Variants in MAP4K3 observed in about 807,000 individuals in gnomAD.
MAP4K3 encodes MAPK/ERK kinase kinase kinase 3.
MAP4K3 carries 94 observed loss-of-function variants against 143.5 expected under a neutral mutation model. The ratio of observed to expected loss-of-function variants is 0.65; its 90% CI spans 0.55 to 0.78. MAP4K3 has a LOEUF of 0.78. Among genes scored for constraint, MAP4K3 ranks in the 30% least tolerant of loss-of-function variants. The probability of loss-of-function intolerance (pLI) is 0.00; values close to 1 mark genes in which losing one functional copy is unlikely to be tolerated. For synonymous variants in MAP4K3, 416 were observed against 347.2 expected (o/e 1.20, Z -2.20); for missense variants, 1,077 against 1,068.1 (o/e 1.01, Z -0.12).
intron 4 of MAP4K3, among the ~76,000 whole-genome samples, chr2:39,342,895 G>A (rs947981311): frequency 6.6e-6 from 1 of 152,108 alleles, no homozygotes; most frequent in Admixed American, 6.6e-5. Flanking sequence ...AAAAGAAAAG[G>A]CTATTTTACT....
intron 31 of MAP4K3, 23 bp from the exon 32 acceptor site, chr2:39,254,543 T>A: frequency 6.3e-7 from 1 of 1,597,714 alleles, no homozygotes; most frequent in Non-Finnish European, 8.6e-7. Flanking sequence ...AACAGCTCAA[T>A]TACTGTTAAT....
chr2:39,314,211 G>A lies in MAP4K3; in HGVS notation c.997+1099C>T, dbSNP rs546033409. On this transcript the variant is annotated intron_variant, in intron 13 of 33. Coordinates refer to ENST00000263881, the MANE Select transcript of MAP4K3 (RefSeq NM_003618.4). ...TGCCTGGCTAATTTTGGTAGCTTAT[G>A]TAGAGACGGAGTTTCGCCATGTTGG... Among the ~76,000 whole-genome samples, 9 of 152,156 alleles carry A rather than the reference G, an allele frequency of 5.9e-5. No homozygotes were observed. The South Asian group carries it at 1.0e-3, about 18-fold the overall frequency.
At chr2:39,354,184 G>A (rs1054796362) in intron 3 of MAP4K3, among the ~76,000 whole-genome samples, 3 of 151,926 alleles carry the variant, frequency 2.0e-5, no homozygotes, top group Non-Finnish European at 4.4e-5. Context: ...TGGCTCACGC[G>A]TGTAATCCCA....
chr2:39,289,229 T>A (rs1245131935), intron 19 of MAP4K3, among the ~76,000 whole-genome samples: 1 of 152,208 alleles, frequency 6.6e-6, no homozygotes, highest in Admixed American at 6.5e-5. Context: ...TCTTTGAAAT[T>A]CAGATCTCTT....
At chr2:39,400,227 C>G (rs999416741) in intron 1 of MAP4K3, among the ~76,000 whole-genome samples, 3 of 152,212 alleles carry the variant, frequency 2.0e-5, no homozygotes, top group Non-Finnish European at 4.4e-5. Flanking sequence ...TTTAACTTCT[C>G]TGTTTCTATT....
chr2:39,375,004 G>A (rs1309563929), intron 2 of MAP4K3, among the ~76,000 whole-genome samples: 1 of 152,156 alleles, frequency 6.6e-6, no homozygotes, highest in Non-Finnish European at 1.5e-5. Flanking sequence ...GCTCATGCTT[G>A]TAATCCTAGC....
At chr2:39,352,696 T>C (rs947280686) in intron 3 of MAP4K3, among the ~76,000 whole-genome samples, 15 of 152,174 alleles carry the variant, frequency 9.9e-5, no homozygotes, top group Admixed American at 5.9e-4. Context: ...TTCTGCTTTA[T>C]AGAAGCTCAG....
At position 39,272,540 on chromosome 2, in the gene MAP4K3, T is replaced by G. The variant is rs146223460; in HGVS notation, c.1797A>C (p.Leu599=). ...NELHETSMEQ[L]FPRRCTWLYV... ...ACAACCATGTACACCTTCGAGGGAA[T>G]AGCTGATTAAAAAAAGGCACAAAGT... Residue 599 remains leucine (L), a splice_region_variant and synonymous_variant, in exon 25 of 34, where the codon CTA becomes CTC. Coordinates refer to ENST00000263881, the MANE Select transcript of MAP4K3 (RefSeq NM_003618.4). 1.9e-6 allele frequency: 3 copies of G among 1,612,748 alleles called. No homozygotes were observed. The highest frequency in any genetic ancestry group is 1.3e-5 in the African/African-American group (1 of 74,876).
At chr2:39,317,850 T>C (rs1683168242) in intron 12 of MAP4K3, among the ~76,000 whole-genome samples, 1 of 152,134 alleles carries the variant, frequency 6.6e-6, no homozygotes, top group African/African-American at 2.4e-5. Context: ...AGTCTGGGGA[T>C]TTCTCAAAGA....
Position 39,288,180 on chromosome 2 carries a change from G to T in MAP4K3, c.1415C>A (p.Ser472Tyr). ...CPMSGSPAKP[S>Y]QVPPRPPPPR... Reference sequence around the variant, plus strand: ...AGGTGGTGGTCTAGGTGGAACTTGGGATGGCTTTGCTGGGCTCCCTGACAT... The same window carrying T: ...AGGTGGTGGTCTAGGTGGAACTTGGTATGGCTTTGCTGGGCTCCCTGACAT... Residue 472 changes from serine (S) to tyrosine (Y), a missense_variant, in exon 20 of 34, where the codon TCC becomes TAC. Transcript: ENST00000263881. 6.2e-7 allele frequency: 1 copy of T among 1,614,112 alleles called. No individual in the cohort carries two copies. The highest frequency in any genetic ancestry group is 1.1e-5 in the South Asian group (1 of 91,078).
chr2:39,325,783 T>C lies in MAP4K3; in HGVS notation c.754A>G (p.Met252Val), dbSNP rs747083337. 4 of 1,609,796 alleles carry C rather than the reference T, an allele frequency of 2.5e-6. No homozygotes were observed. The South Asian group carries it at 4.5e-5, about 18-fold the overall frequency. The change falls in exon 11 of 34, where the codon ATG becomes GTG. Residue 252 changes from methionine (M) to valine (V), a missense_variant. Coordinates refer to ENST00000263881, the MANE Select transcript of MAP4K3 (RefSeq NM_003618.4). ...WSNSFHHFVK[M>V]ALTKNPKKRP... is the part of the protein sequence containing the mutation. Reference sequence around the variant, plus strand: ...TTTTTCGGATTTTTGGTAAGTGCCATTTTCACAAAGTGATGAAAACTATTT... The same window carrying C: ...TTTTTCGGATTTTTGGTAAGTGCCACTTTCACAAAGTGATGAAAACTATTT...
At chr2:39,303,491 G>A (rs1157781870) in intron 15 of MAP4K3, among the ~76,000 whole-genome samples, 2 of 152,016 alleles carry the variant, frequency 1.3e-5, no homozygotes, top group African/African-American at 4.8e-5. Context: ...CAATGATTAT[G>A]TTACTATTTA....
At chr2:39,355,310 G>C (rs183896642) in intron 3 of MAP4K3, among the ~76,000 whole-genome samples, 1 of 133,448 alleles carries the variant, frequency 7.5e-6, no homozygotes, top group African/African-American at 2.9e-5. Flanking sequence ...GCGGTGAGCC[G>C]AGATCACACC....
chr2:39,259,794 A>T (rs1424539561), intron 29 of MAP4K3, among the ~76,000 whole-genome samples: 1 of 152,196 alleles, frequency 6.6e-6, no homozygotes, highest in African/African-American at 2.4e-5. Context: ...AAGTGCCTTA[A>T]TTGGCATTTA....
At chr2:39,279,712 G>A (rs1343044740) in intron 23 of MAP4K3, among the ~76,000 whole-genome samples, 2 of 152,074 alleles carry the variant, frequency 1.3e-5, no homozygotes, top group African/African-American at 2.4e-5. Flanking sequence ...CACTTTGGGA[G>A]GCTGAGGCGA....
intron 27 of MAP4K3, 30 bp downstream of exon 27, chr2:39,267,159 G>C (rs368382813): frequency 3.0e-5 from 49 of 1,608,076 alleles, no homozygotes; most frequent in African/African-American, 1.1e-4. Context: ...GAGTCTCAGA[G>C]AGCTATATGC....
intron 1 of MAP4K3, among the ~76,000 whole-genome samples, chr2:39,387,098 G>C (rs906112901): frequency 8.5e-5 from 13 of 152,108 alleles, no homozygotes; most frequent in African/African-American, 3.1e-4. Context: ...ACAGGTATGA[G>C]CCACCACCAC....
intron 5 of MAP4K3, among the ~76,000 whole-genome samples, 153 bp from the exon 6 acceptor site, chr2:39,337,120 T>TA (rs1664991445): frequency 1.3e-5 from 2 of 151,918 alleles, no homozygotes; most frequent in South Asian, 2.1e-4. Context: ...TGAGATATCC[T>TA]AAAAAAAGAT....
At chr2:39,345,718 G>C (rs1665269628) in intron 3 of MAP4K3, among the ~76,000 whole-genome samples, 1 of 151,916 alleles carries the variant, frequency 6.6e-6, no homozygotes, top group South Asian at 2.1e-4. Context: ...AGGAGATCGA[G>C]ACCATCCTGG....
Sources: allele counts gnomAD v4.1 joint callset (sites outside exome capture counted in the v4.1 genomes callset), GRCh38; gene constraint gnomAD v4.1.1; transcripts MANE v1.5; gene names NCBI Gene and HGNC (gene_info 2026-07-23, HGNC 2026-07-21).